HYDIN: variants seen among roughly 807,000 people sequenced by gnomAD.
HYDIN encodes the protein axonemal central pair apparatus protein HYDIN.
A neutral mutation model predicts 403.9 loss-of-function variants in HYDIN; 132 were observed. The ratio of observed to expected loss-of-function variants is 0.33; its 90% CI spans 0.28 to 0.38. HYDIN has a LOEUF of 0.38. Among genes scored for constraint, HYDIN ranks in the 10% least tolerant of loss-of-function variants. HYDIN has a pLI of 1.00. For missense variants in HYDIN, 2,827 were observed against 5,009.5 expected (o/e 0.56, Z 13.15); for synonymous variants, 1,202 against 1,891.7 (o/e 0.64, Z 9.46).
chr16:70,840,634 T>C (rs537356284), intron 75 of HYDIN, among the ~76,000 whole-genome samples: 5 of 152,192 alleles, frequency 3.3e-5, no homozygotes, highest in Non-Finnish European at 7.3e-5. Context: ...GTTCCAGTCA[T>C]TGAGATGTAA....
rs147569527 is a variant in HYDIN at position 70,839,666 on chromosome 16, C to T, written c.13043+398G>A. ...AGAACATCCCACACAGGGATGGTGCCGAGAGGCTGGATTTGAATCAGAAAG... is the reference window on the plus strand; with the variant it reads ...AGAACATCCCACACAGGGATGGTGCTGAGAGGCTGGATTTGAATCAGAAAG... On this transcript the variant is annotated intron_variant, in intron 76 of 85. Coordinates refer to ENST00000393567, the MANE Select transcript of HYDIN (RefSeq NM_001270974.2). 4.1e-3 allele frequency among the ~76,000 whole-genome samples: 620 copies of T among 152,266 alleles called. 1 individual carries two copies. The highest frequency in any genetic ancestry group is 0.027 in the Middle Eastern group (8 of 294).
At chr16:70,909,488 C>A (rs2076629021) in intron 47 of HYDIN, among the ~76,000 whole-genome samples, 1 of 137,020 alleles carries the variant, frequency 7.3e-6, no homozygotes, top group South Asian at 2.4e-4. Flanking sequence ...TTAACAGTTG[C>A]CACTTTTTCT....
intron 13 of HYDIN, among the ~76,000 whole-genome samples, chr16:71,070,931 A>G (rs1370838742): frequency 6.6e-6 from 1 of 151,124 alleles, no homozygotes; most frequent in Admixed American, 6.6e-5. Flanking sequence ...CTGCCAACCT[A>G]CTTGGAAGAT....
At chr16:71,182,424 T>C (rs1242487328) in intron 3 of HYDIN, among the ~76,000 whole-genome samples, 1 of 152,004 alleles carries the variant, frequency 6.6e-6, no homozygotes, top group Non-Finnish European at 1.5e-5. Flanking sequence ...GTGGAGAACA[T>C]GGTGAGAAGC....
chr16:70,837,841 C>A lies in HYDIN; in HGVS notation c.13091G>T (p.Arg4364Leu). 1 of 1,613,944 alleles carries A rather than the reference C, an allele frequency of 6.2e-7. No homozygotes were observed. ...TNTTHLEVNS[R>L]VDVVKPGNTL... Reference sequence around the variant, plus strand: ...GTTTCCTGGCTTTACCACATCAACACGGGAGTTCACCTCGAGGTGAGTGGT... The same window carrying A: ...GTTTCCTGGCTTTACCACATCAACAAGGGAGTTCACCTCGAGGTGAGTGGT... Residue 4364 changes from arginine (R) to leucine (L), a missense_variant, in exon 77 of 86, where the codon CGT (arginine) becomes CTT (leucine). Transcript: ENST00000393567.
intron 84 of HYDIN, among the ~76,000 whole-genome samples, chr16:70,810,455 G>A (rs553316296): frequency 6.6e-6 from 1 of 152,310 alleles, no homozygotes; most frequent in South Asian, 2.1e-4. Context: ...GAAACAATTC[G>A]AATGTATTAT....
chr16:71,202,672 C>G (rs1189533277), intron 1 of HYDIN, among the ~76,000 whole-genome samples: 1 of 152,168 alleles, frequency 6.6e-6, no homozygotes, highest in Non-Finnish European at 1.5e-5. Flanking sequence ...AAAATGTCTT[C>G]TCATATGCAT....
At position 71,081,206 on chromosome 16, in the gene HYDIN, T is replaced by C. The variant is rs145443463; in HGVS notation, c.1671-1254A>G. On this transcript the variant is annotated intron_variant, in intron 12 of 85. Coordinates refer to ENST00000393567, the MANE Select transcript of HYDIN (RefSeq NM_001270974.2). ...ATAATATTTTTCTCCATGATCCATG[T>C]AAAGACATGGATTGGTGCCTTAGTG... 6.9e-3 allele frequency among the ~76,000 whole-genome samples: 1,052 copies of C among 152,326 alleles called. 7 individuals are homozygous for C. The highest frequency in any genetic ancestry group is 0.024 in the African/African-American group (1,007 of 41,580).
intron 46 of HYDIN, 49 bp downstream of exon 46, chr16:70,920,542 C>T (rs757296319): frequency 3.0e-5 from 44 of 1,454,138 alleles, no homozygotes; most frequent in Non-Finnish European, 3.8e-5. Flanking sequence ...CTTAGCACAG[C>T]GCCTGCTGCC....
chr16:70,962,285 G>C (rs1413919036), intron 37 of HYDIN, 147 bp from the exon 38 acceptor site: 8 of 398,624 alleles, frequency 2.0e-5, no homozygotes, highest in African/African-American at 1.5e-4. Flanking sequence ...AAATAAACAA[G>C]AACTGCAGTC....
intron 53 of HYDIN, 74 bp from the exon 54 acceptor site, chr16:70,896,154 T>A: frequency 6.3e-7 from 1 of 1,576,802 alleles, no homozygotes; most frequent in Non-Finnish European, 8.6e-7. Flanking sequence ...TGTAATATCC[T>A]AACGGGGATA....
intron 8 of HYDIN, among the ~76,000 whole-genome samples, chr16:71,130,049 T>A (rs995884940): frequency 1.2e-4 from 18 of 152,086 alleles, no homozygotes; most frequent in African/African-American, 4.3e-4. Context: ...CCTCCCTGGA[T>A]TCCTTTCCTA....
At chr16:70,845,002 T>G (rs2038100977) in intron 75 of HYDIN, among the ~76,000 whole-genome samples, 1 of 75,436 alleles carries the variant, frequency 1.3e-5, no homozygotes, top group Non-Finnish European at 2.3e-5. Flanking sequence ...ACAATTTGAC[T>G]TCCTCTTTTC....
At position 71,067,052 on chromosome 16, in the gene HYDIN, A is replaced by G. The variant is rs184002166; in HGVS notation, c.2075+238T>C. On this transcript the variant is annotated intron_variant, in intron 15 of 85. Coordinates refer to ENST00000393567, the MANE Select transcript of HYDIN (RefSeq NM_001270974.2). ...AGAGGGTCTGACCCGTTTTTTCACT[A>G]TTCTTAGGATTCTCTGCCTAAACTC... 63 of 632,770 alleles carry G rather than the reference A, an allele frequency of 1.0e-4. 1 individual carries two copies. Among genetic ancestry groups the G allele is most frequent in the African/African-American group, 9.5e-4 (52 of 54,978 alleles). 39.2% of individuals were successfully genotyped at this position (632,770 alleles called of 1,614,324 possible).
intron 1 of HYDIN, among the ~76,000 whole-genome samples, chr16:71,227,854 A>G (rs954294997): frequency 3.5e-4 from 54 of 152,300 alleles, no homozygotes; most frequent in African/African-American, 1.2e-3. Context: ...CATTGCCAAG[A>G]CAATCCTAAG....
Position 70,807,780 on chromosome 16 carries a change from C to T in HYDIN, c.15166G>A (p.Val5056Met), listed in dbSNP as rs752369373. ...FYHMVTFSII[V>M]DNPAFTIRAG... ...CGAATGGTGAAGGCTGGGTTATCCA[C>T]GATGATGGAGAAGGTCACCATGTGA... The change falls in exon 86 of 86, where the codon GTG (valine) becomes ATG (methionine). Residue 5056 changes from valine to methionine, a missense_variant. By Grantham distance (21) the Val-to-Met change is conservative. Coordinates refer to ENST00000393567, the MANE Select transcript of HYDIN (RefSeq NM_001270974.2). 18 of 1,613,926 alleles carry T rather than the reference C, an allele frequency of 1.1e-5. No homozygotes were observed. The highest frequency in any genetic ancestry group is 4.5e-5 in the East Asian group (2 of 44,888).
chr16:71,022,309 C>T (rs1687131526), intron 21 of HYDIN, among the ~76,000 whole-genome samples: 2 of 152,126 alleles, frequency 1.3e-5, no homozygotes, highest in African/African-American at 4.8e-5. Flanking sequence ...TTGAGTTGTT[C>T]GTCTCTCCAA....
intron 62 of HYDIN, among the ~76,000 whole-genome samples, chr16:70,878,944 G>A (rs532504860): frequency 1.3e-3 from 190 of 142,738 alleles, no homozygotes; most frequent in Non-Finnish European, 3.4e-4. Flanking sequence ...CCCTCCTGAA[G>A]TTTCTTTTAT....
At chr16:70,811,249 C>T (rs1352423451) in intron 84 of HYDIN, 2 of 152,148 alleles carry the variant, frequency 1.3e-5, no homozygotes, top group Admixed American at 6.6e-5. Context: ...TAGCGAGAGC[C>T]TGTTTCTACA....
Sources: gnomAD v4.1 joint callset for allele counts (sites outside exome capture counted in the v4.1 genomes callset) on GRCh38, gnomAD v4.1.1 for gene constraint, MANE v1.5 for transcripts, NCBI Gene and HGNC (gene_info 2026-07-23, HGNC 2026-07-21) for gene names.